The following RBMS3 variants were observed in gnomAD, a reference collection of about 807,000 sequenced individuals.
RBMS3 encodes the protein RNA-binding motif, single-stranded-interacting protein 3.
A neutral mutation model predicts 66.8 loss-of-function variants in RBMS3; 27 were observed. The observed-to-expected ratio is 0.40, with a 90% CI of 0.30 to 0.56. The LOEUF (loss-of-function observed/expected upper bound fraction) is 0.56. RBMS3 is among the 20% of genes least tolerant of loss of function. RBMS3 has a pLI of 0.40. For missense variants in RBMS3, 513 were observed against 549.5 expected (o/e 0.93, Z 0.66); for synonymous variants, 188 against 183.0 (o/e 1.03, Z -0.22).
At chr3:29,804,949 G>A (rs1250135640) in intron 6 of RBMS3, among the ~76,000 whole-genome samples, 1 of 132,938 alleles carries the variant, frequency 7.5e-6, no homozygotes. Context: ...GTGTGTGTGT[G>A]TGTGTGTGGC....
At chr3:29,971,981 A>G (rs1011225716) in intron 12 of RBMS3, among the ~76,000 whole-genome samples, 1 of 152,186 alleles carries the variant, frequency 6.6e-6, no homozygotes, top group African/African-American at 2.4e-5. Context: ...ATTTTGGAAT[A>G]GCCAAACATA....
At chr3:29,603,871 A>G (rs941431388) in intron 4 of RBMS3, among the ~76,000 whole-genome samples, 7 of 151,934 alleles carry the variant, frequency 4.6e-5, no homozygotes, top group African/African-American at 1.4e-4. Flanking sequence ...CCTGGTTCTC[A>G]ACTACAATAT....
intron 6 of RBMS3, among the ~76,000 whole-genome samples, chr3:29,848,040 A>T (rs1403551935): frequency 6.6e-6 from 1 of 152,166 alleles, no homozygotes; most frequent in East Asian, 1.9e-4. Flanking sequence ...TCAATACAAA[A>T]TAGAGCCAAC....
intron 12 of RBMS3, among the ~76,000 whole-genome samples, chr3:29,957,463 T>C (rs1161983407): frequency 6.6e-6 from 1 of 152,138 alleles, no homozygotes; most frequent in African/African-American, 2.4e-5. Context: ...CCAAGAAGTC[T>C]GGAAATGTGA....
At chr3:29,460,555 A>G (rs1308935918) in intron 2 of RBMS3, among the ~76,000 whole-genome samples, 1 of 152,218 alleles carries the variant, frequency 6.6e-6, no homozygotes, top group African/African-American at 2.4e-5. Flanking sequence ...ATGATGATCT[A>G]TAGAGTCCAC....
Position 30,007,957 on chromosome 3 carries a change from A to C in RBMS3, c.*4095A>C, listed in dbSNP as rs1282574391. 2 of 152,078 alleles carry C rather than the reference A, an allele frequency of 1.3e-5. No individual in the cohort carries two copies. Among genetic ancestry groups the C allele is most frequent in the Admixed American group, 6.6e-5 (1 of 15,242 alleles). The allele number at this position is 152,078 out of a possible 1,614,324, so 9.4% of individuals were successfully genotyped here. A position where few individuals can be genotyped will look rare whatever the true frequency, so the allele number is the denominator to read the frequency against. ...GAAATATAAGGCTGAGAACTGAAGA[A>C]GGCTGTTTAAAGCAGGAATTTCACT... On this transcript the variant is annotated 3_prime_UTR_variant, in exon 15 of 15. Transcript: ENST00000383767.
chr3:29,810,314 T>C (rs2057694139), intron 6 of RBMS3, among the ~76,000 whole-genome samples: 1 of 152,092 alleles, frequency 6.6e-6, no homozygotes, highest in African/African-American at 2.4e-5. Flanking sequence ...ACTTAAGAAA[T>C]TAAACTAATT....
intron 3 of RBMS3, among the ~76,000 whole-genome samples, chr3:29,576,943 T>G (rs994696019): frequency 4.6e-5 from 7 of 152,294 alleles, no homozygotes; most frequent in Admixed American, 3.3e-4. Context: ...CTAGACTTAG[T>G]GACCCTAAGA....
chr3:29,456,369 G>C (rs2042190811), intron 2 of RBMS3, among the ~76,000 whole-genome samples: 1 of 152,128 alleles, frequency 6.6e-6, no homozygotes, highest in African/African-American at 2.4e-5. Context: ...TAAAAATAAA[G>C]TATAGAATGC....
intron 12 of RBMS3, among the ~76,000 whole-genome samples, chr3:29,952,105 AT>A (rs1559832020): frequency 6.6e-6 from 1 of 151,866 alleles, no homozygotes; most frequent in East Asian, 1.9e-4. Flanking sequence ...GAAAATGAAA[AT>A]AAAGATGATG....
At chr3:29,895,974 A>T (rs1344520039) in intron 8 of RBMS3, among the ~76,000 whole-genome samples, 2 of 151,360 alleles carry the variant, frequency 1.3e-5, no homozygotes, top group Non-Finnish European at 3.0e-5. Context: ...GCTTCTTTTA[A>T]ACGTCACAAC....
chr3:29,769,615 G>T (rs923156327), intron 6 of RBMS3, among the ~76,000 whole-genome samples: 1 of 150,214 alleles, frequency 6.7e-6, no homozygotes, highest in Non-Finnish European at 1.5e-5. Context: ...AAAGAGGGTT[G>T]TTTTTTTTCT....
At chr3:29,429,911 C>G (rs2041113720) in intron 1 of RBMS3, among the ~76,000 whole-genome samples, 1 of 151,002 alleles carries the variant, frequency 6.6e-6, no homozygotes, top group Admixed American at 6.6e-5. Flanking sequence ...ACCCATTAAC[C>G]CCTAGAGATT....
rs115082913 is a variant in RBMS3 at position 29,708,756 on chromosome 3, T to C, written c.400-30964T>C. On this transcript the variant is annotated intron_variant, in intron 4 of 14. Coordinates refer to ENST00000383767, the MANE Select transcript of RBMS3 (RefSeq NM_001003793.3). ...TTTCTGGTAGATCTATTAGGAATCA[T>C]CATAAGAAGACTATCTAACTTTGGC... 3.4e-3 allele frequency among the ~76,000 whole-genome samples: 516 copies of C among 152,242 alleles called. 4 individuals are homozygous for C. Among genetic ancestry groups the C allele is most frequent in the African/African-American group, 0.012 (500 of 41,558 alleles).
At chr3:29,779,281 G>A (rs2056536005) in intron 6 of RBMS3, among the ~76,000 whole-genome samples, 1 of 150,740 alleles carries the variant, frequency 6.6e-6, no homozygotes, top group Non-Finnish European at 1.5e-5. Context: ...ATGTGTGTGT[G>A]TGTATATATA....
chr3:29,663,845 G>T (rs1163411585), intron 4 of RBMS3, among the ~76,000 whole-genome samples: 1 of 152,142 alleles, frequency 6.6e-6, no homozygotes, highest in Non-Finnish European at 1.5e-5. Context: ...TTGTCCATTA[G>T]TTCAAGGCCA....
chr3:29,374,093 A>C (rs2038344124), intron 1 of RBMS3, among the ~76,000 whole-genome samples: 1 of 152,140 alleles, frequency 6.6e-6, no homozygotes, highest in South Asian at 2.1e-4. Flanking sequence ...AGAAGGGGAA[A>C]TGTATCAGCC....
At chr3:29,739,972 T>G in intron 5 of RBMS3, 95 bp downstream of exon 5, 1 of 779,200 alleles carries the variant, frequency 1.3e-6, no homozygotes, top group African/African-American at 2.2e-5. Flanking sequence ...CAATAGAATA[T>G]GCAAAAAAAA....
intron 12 of RBMS3, among the ~76,000 whole-genome samples, chr3:29,968,177 C>T (rs1337410245): frequency 6.6e-6 from 1 of 150,938 alleles, no homozygotes; most frequent in Non-Finnish European, 1.5e-5. Context: ...GCAGGACTCA[C>T]TCCCACGGCT....
Sources: allele counts gnomAD v4.1 joint callset (sites outside exome capture counted in the v4.1 genomes callset), GRCh38; gene constraint gnomAD v4.1.1; transcripts MANE v1.5; gene names NCBI Gene and HGNC (gene_info 2026-07-23, HGNC 2026-07-21).